Variants in SRP54 observed in about 807,000 individuals in gnomAD.
SRP54 encodes signal recognition particle 54.
Under a neutral mutation model 64.8 loss-of-function variants are expected in SRP54, and 10 were observed. The ratio of observed to expected loss-of-function variants is 0.15; its 90% CI spans 0.10 to 0.26. SRP54 has a LOEUF of 0.26. Ranked by LOEUF, SRP54 falls within the 10% of genes least tolerant of loss-of-function variation. The pLI, the probability that SRP54 is intolerant of heterozygous loss-of-function variation, is 1.00. For synonymous variants in SRP54, 193 were observed against 185.6 expected, an observed-to-expected ratio of 1.04 and a Z score of -0.32; for missense variants, 325 against 613.7, an observed-to-expected ratio of 0.53 and a Z score of 4.97.
intron 12 of SRP54, 69 bp downstream of exon 12, chr14:35,018,834 T>C: frequency 1.4e-6 from 2 of 1,474,834 alleles, no homozygotes; most frequent in Non-Finnish European, 1.9e-6. Context: ...ATACACTTGC[T>C]TTAATTATTT....
intron 13 of SRP54, among the ~76,000 whole-genome samples, chr14:35,022,097 T>C (rs368230867): frequency 6.6e-6 from 1 of 152,086 alleles, no homozygotes; most frequent in Non-Finnish European, 1.5e-5. Context: ...TCTGCTTGCT[T>C]ATATAGTCTA....
At chr14:35,018,850 T>C in intron 12 of SRP54, 85 bp downstream of exon 12, 1 of 1,434,986 alleles carries the variant, frequency 7.0e-7, no homozygotes, top group Non-Finnish European at 9.6e-7. Flanking sequence ...TATTTTTACA[T>C]TCGGGTAAAA....
In SRP54 at chr14:35,029,449, T is replaced by TAA. The variant is rs2044689935; in HGVS notation, c.*299_*300dup. On this transcript the variant is annotated 3_prime_UTR_variant, in exon 16 of 16. Transcript: ENST00000216774. ...AATCATGATGTAAAATTTTAGTACT[T>TAA]AAAGGTTTTTAATTATCTCGAAGGC... is the stretch of plus-strand genomic sequence containing the variant. 1 of 245,118 alleles carries TAA rather than the reference T, an allele frequency of 4.1e-6. No homozygotes were observed. The highest frequency in any genetic ancestry group is 7.7e-5 in the South Asian group (1 of 13,036). The allele number at this position is 245,118 out of a possible 1,614,324, so 15.2% of individuals were successfully genotyped here.
At chr14:35,014,685 G>A in intron 10 of SRP54, 59 bp from the exon 11 acceptor site, 1 of 1,285,508 alleles carries the variant, frequency 7.8e-7, no homozygotes, top group Non-Finnish European at 1.1e-6. Flanking sequence ...AATGTGTTTT[G>A]TATAATGTGA....
intron 1 of SRP54, among the ~76,000 whole-genome samples, chr14:34,994,342 A>G (rs554128795): frequency 1.3e-5 from 2 of 152,252 alleles, no homozygotes; most frequent in South Asian, 2.1e-4. Context: ...TGTAGAAGGG[A>G]TCTAGTCTGG....
intron 15 of SRP54, 23 bp from the exon 16 acceptor site, chr14:35,029,038 C>T (rs543841249): frequency 2.3e-5 from 36 of 1,588,828 alleles, no homozygotes; most frequent in Non-Finnish European, 2.9e-5. Flanking sequence ...GTTTTTAACT[C>T]TACTTCCCTA....
intron 1 of SRP54, among the ~76,000 whole-genome samples, chr14:34,995,614 C>T (rs2044060817): frequency 6.6e-6 from 1 of 152,018 alleles, no homozygotes; most frequent in Non-Finnish European, 1.5e-5. Flanking sequence ...GTAAGTACAT[C>T]TAATATGTAA....
intron 2 of SRP54, among the ~76,000 whole-genome samples, chr14:34,998,995 G>T (rs1398192646): frequency 0.011 from 1,068 of 93,550 alleles, 19 homozygotes; most frequent in African/African-American, 0.014. Context: ...GTGTGTGTGT[G>T]TGTGTGTGTG....
At chr14:35,019,148 T>C in intron 13 of SRP54, 74 bp downstream of exon 13, 1 of 1,045,904 alleles carries the variant, frequency 9.6e-7, no homozygotes, top group Non-Finnish European at 1.4e-6. Context: ...ACTGTATTCT[T>C]GTGGACAAGA....
chr14:34,999,187 G>A (rs942475921), intron 2 of SRP54, among the ~76,000 whole-genome samples: 1 of 151,590 alleles, frequency 6.6e-6, no homozygotes, highest in South Asian at 2.1e-4. Flanking sequence ...GCTCATTTTT[G>A]TATTTTTAGT....
At chr14:35,028,055 G>A (rs778975442) in intron 14 of SRP54, 33 bp from the exon 15 acceptor site, 9 of 1,479,700 alleles carry the variant, frequency 6.1e-6, no homozygotes, top group African/African-American at 4.2e-5. Context: ...TACCTCCTAC[G>A]CTGACTCAAA....
chr14:35,008,884 C>CTTTTTT (rs35812379), intron 7 of SRP54, 53 bp downstream of exon 7: 107 of 676,434 alleles, frequency 1.6e-4, no homozygotes, highest in South Asian at 6.9e-4. Context: ...TGTCTGTCAG[C>CTTTTTT]TTTTTTTTTT....
rs768022021 is a variant in SRP54 at position 35,013,851 on chromosome 14, A to T, written c.835A>T (p.Ile279Leu). The change falls in exon 10 of 16, where the codon ATA (isoleucine) becomes TTA (leucine). Residue 279 changes from isoleucine to leucine, a missense_variant. Physicochemically the swap from Ile to Leu is conservative, Grantham distance 5. Coordinates refer to ENST00000216774, the MANE Select transcript of SRP54 (RefSeq NM_003136.4). ...TATTTTCATTGGTACAGGGGAACATATAGATGACTTTGAACCTTTCAAAAC... is the reference window on the plus strand; with the variant it reads ...TATTTTCATTGGTACAGGGGAACATTTAGATGACTTTGAACCTTTCAAAAC... ...PIIFIGTGEH[I>L]DDFEPFKTQP... 6.2e-7 allele frequency: 1 copy of T among 1,614,076 alleles called. No individual in the cohort carries two copies. Among genetic ancestry groups the T allele is most frequent in the Non-Finnish European group, 8.5e-7 (1 of 1,179,986 alleles).
At chr14:35,008,998 T>G (rs1336753409) in intron 7 of SRP54, among the ~76,000 whole-genome samples, 167 bp downstream of exon 7, 1 of 150,626 alleles carries the variant, frequency 6.6e-6, no homozygotes, top group East Asian at 2.0e-4. Context: ...GTGATTCTCC[T>G]GTCTCAGCTT....
intron 7 of SRP54, among the ~76,000 whole-genome samples, chr14:35,010,277 G>A (rs947257299): frequency 6.6e-6 from 1 of 151,852 alleles, no homozygotes; most frequent in African/African-American, 2.4e-5. Context: ...GAGAAAGCCC[G>A]TTTCTACTAA....
At chr14:34,994,060 C>G (rs1447824337) in intron 1 of SRP54, among the ~76,000 whole-genome samples, 1 of 152,004 alleles carries the variant, frequency 6.6e-6, no homozygotes, top group East Asian at 1.9e-4. Flanking sequence ...GTGGCGCGAT[C>G]TCAGCTCACT....
At chr14:35,000,893 G>T in intron 3 of SRP54, 43 bp from the exon 4 acceptor site, 1 of 1,115,946 alleles carries the variant, frequency 9.0e-7, no homozygotes, top group South Asian at 1.7e-5. Flanking sequence ...TTTCTTAACT[G>T]ATTTTCTCCT....
At chr14:35,002,443 C>CT (rs754182261) in intron 4 of SRP54, among the ~76,000 whole-genome samples, 11,816 of 144,614 alleles carry the variant, frequency 0.082, 594 homozygotes, top group Non-Finnish European at 0.12. Flanking sequence ...TGAATATTTT[C>CT]TTTTTTTTTT....
chr14:35,028,037 G>A, intron 14 of SRP54, 51 bp from the exon 15 acceptor site: 1 of 1,247,826 alleles, frequency 8.0e-7, no homozygotes. Context: ...TGATTATACT[G>A]ATTATATTAC....
Sources: allele counts gnomAD v4.1 joint callset (sites outside exome capture counted in the v4.1 genomes callset), GRCh38; gene constraint gnomAD v4.1.1; transcripts MANE v1.5; gene names NCBI Gene and HGNC (gene_info 2026-07-23, HGNC 2026-07-21).